Variants in RAB38 observed in about 807,000 individuals in gnomAD.
RAB38 encodes the protein RAB38, member RAS oncogene family.
RAB38 carries 15 observed loss-of-function variants against 18.4 expected under a neutral mutation model. That is an observed-to-expected ratio of 0.82 (90% CI 0.55 to 1.26). The LOEUF (loss-of-function observed/expected upper bound fraction) is 1.26, where lower values mean the gene tolerates loss of function less well. Ranked by LOEUF, RAB38 falls within the 50% of genes most tolerant of loss-of-function variation. The probability of loss-of-function intolerance (pLI) is 0.00; values close to 1 mark genes in which losing one functional copy is unlikely to be tolerated. For synonymous variants in RAB38, 101 were observed against 104.4 expected, an observed-to-expected ratio of 0.97 and a Z score of 0.20; for missense variants, 294 against 267.4, an observed-to-expected ratio of 1.10 and a Z score of -0.69.
chr11:87,930,097 G>A, the RAB38 span, among the ~76,000 whole-genome samples: 1 of 152,062 alleles, frequency 6.6e-6, no homozygotes. Flanking sequence ...GGATGGCTGG[G>A]TCAAATGGTA....
chr11:87,881,604 A>T, the RAB38 span, among the ~76,000 whole-genome samples: 5 of 151,900 alleles, frequency 3.3e-5, no homozygotes, highest in African/African-American at 1.2e-4. Flanking sequence ...GTCTGTGAGT[A>T]AGCATAGGAC....
chr11:88,104,034 G>A, the RAB38 span, among the ~76,000 whole-genome samples: 1 of 152,192 alleles, frequency 6.6e-6, no homozygotes, highest in South Asian at 2.1e-4. Context: ...ATCTGCCCTG[G>A]CATGAGGCAC....
chr11:87,954,512 T>C, the RAB38 span, among the ~76,000 whole-genome samples: 1 of 150,620 alleles, frequency 6.6e-6, no homozygotes, highest in Non-Finnish European at 1.5e-5. Context: ...CAATACCTAC[T>C]GAAAGACCTG....
intron 2 of RAB38, among the ~76,000 whole-genome samples, chr11:88,147,685 G>GGT (rs1289705012): frequency 6.6e-6 from 1 of 152,018 alleles, no homozygotes; most frequent in African/African-American, 2.4e-5. Context: ...GAGGTCAGGA[G>GGT]ATTGAGACCA....
the RAB38 span, among the ~76,000 whole-genome samples, chr11:87,933,401 G>C: frequency 1.3e-5 from 2 of 152,034 alleles, no homozygotes; most frequent in African/African-American, 4.8e-5. Context: ...TAGAACATGT[G>C]TTCTGGTCCA....
At chr11:88,037,984 T>C in the RAB38 span, among the ~76,000 whole-genome samples, 1 of 152,212 alleles carries the variant, frequency 6.6e-6, no homozygotes, top group Admixed American at 6.6e-5. Context: ...AATTGTCTTA[T>C]AGTTATGTAA....
the RAB38 span, among the ~76,000 whole-genome samples, chr11:87,957,400 A>AG: frequency 7.9e-5 from 12 of 151,532 alleles, no homozygotes; most frequent in Non-Finnish European, 1.5e-4. Context: ...ATTAACAGAA[A>AG]AAAAAACCCA....
the RAB38 span, among the ~76,000 whole-genome samples, chr11:87,973,711 C>A: frequency 2.0e-5 from 3 of 151,908 alleles, no homozygotes; most frequent in Non-Finnish European, 4.4e-5. Context: ...AAAAATGAGA[C>A]CCTGTGAATC....
rs780468403 is a variant in RAB38, at chr11:88,149,801, C to T, written c.357G>A (p.Pro119=). 47 of 1,613,954 alleles carry T rather than the reference C, an allele frequency of 2.9e-5. No individual in the cohort carries two copies. The highest frequency in any genetic ancestry group is 4.5e-5 in the East Asian group (2 of 44,878). The change falls in exon 2 of 3, where the codon CCG becomes CCA. Residue 119 remains proline (P), a synonymous_variant. Coordinates refer to ENST00000243662, the MANE Select transcript of RAB38 (RefSeq NM_022337.3). ...DSKLSLPNGK[P]VSVVLLANKC... The stretch of plus-strand genomic sequence containing the variant: ...TGTTGGCCAACAAAACCACTGAAAC[C>T]GGTTTGCCATTAGGGAGACTTAACT...
chr11:88,033,849 T>A, the RAB38 span, among the ~76,000 whole-genome samples: 1 of 148,054 alleles, frequency 6.8e-6, no homozygotes. Context: ...TGCCTCAGCC[T>A]CCCAAGTAGC....
At chr11:88,013,168 C>T in the RAB38 span, among the ~76,000 whole-genome samples, 2 of 151,940 alleles carry the variant, frequency 1.3e-5, no homozygotes, top group Non-Finnish European at 2.9e-5. Context: ...AAAAATAATA[C>T]AGAATGAAAC....
At chr11:88,039,575 T>C in the RAB38 span, among the ~76,000 whole-genome samples, 152 of 152,112 alleles carry the variant, frequency 1.0e-3, no homozygotes, top group Middle Eastern at 6.8e-3. Context: ...CTTCTTGAGG[T>C]TCAAGTTTTA....
chr11:87,912,536 T>C, the RAB38 span, among the ~76,000 whole-genome samples: 1 of 151,868 alleles, frequency 6.6e-6, no homozygotes, highest in Non-Finnish European at 1.5e-5. Flanking sequence ...AATCTGTAGT[T>C]GTCACTTATT....
At chr11:88,029,918 G>C in the RAB38 span, among the ~76,000 whole-genome samples, 2 of 152,064 alleles carry the variant, frequency 1.3e-5, no homozygotes, top group Admixed American at 6.5e-5. Context: ...CAAATCAACA[G>C]AATATACATT....
chr11:87,956,536 G>A, the RAB38 span, among the ~76,000 whole-genome samples: 1 of 151,784 alleles, frequency 6.6e-6, no homozygotes, highest in African/African-American at 2.4e-5. Context: ...GGAGATGTCT[G>A]TAGAAACCAA....
the RAB38 span, among the ~76,000 whole-genome samples, chr11:87,952,578 C>A: frequency 6.6e-6 from 1 of 152,166 alleles, no homozygotes; most frequent in African/African-American, 2.4e-5. Flanking sequence ...CCAAGAGGAA[C>A]ACAGCTAAAT....
At chr11:88,056,902 A>G in the RAB38 span, among the ~76,000 whole-genome samples, 1 of 152,210 alleles carries the variant, frequency 6.6e-6, no homozygotes, top group Admixed American at 6.5e-5. Flanking sequence ...GAAACTACCA[A>G]ATCACCAAAC....
the RAB38 span, among the ~76,000 whole-genome samples, chr11:87,950,945 T>A: frequency 6.6e-6 from 1 of 152,190 alleles, no homozygotes; most frequent in Non-Finnish European, 1.5e-5. Flanking sequence ...CTTGCTAGAT[T>A]GGGGAAGTTC....
At chr11:88,011,708 T>A in the RAB38 span, among the ~76,000 whole-genome samples, 39 of 152,308 alleles carry the variant, frequency 2.6e-4, 1 homozygote, top group South Asian at 7.9e-3. Flanking sequence ...ATAAATTATG[T>A]CCTCTAGTTC....
Sources: allele counts gnomAD v4.1 joint callset (sites outside exome capture counted in the v4.1 genomes callset), GRCh38; gene constraint gnomAD v4.1.1; transcripts MANE v1.5; gene names NCBI Gene and HGNC (gene_info 2026-07-23, HGNC 2026-07-21).